The following PACRG variants were observed in gnomAD, a reference collection of about 807,000 sequenced individuals.
PACRG encodes the protein parkin coregulated.
In PACRG, 29 loss-of-function variants were observed where a neutral mutation model predicts 29.7. The observed-to-expected ratio is 0.98, with a 90% confidence interval of 0.73 to 1.33. The LOEUF (loss-of-function observed/expected upper bound fraction) is 1.33, where lower values mean the gene tolerates loss of function less well. Among genes scored for constraint, PACRG ranks in the 40% most tolerant of loss-of-function variants. PACRG has a pLI of 0.00. For missense variants in PACRG, 279 were observed against 316.2 expected (o/e 0.88, Z 0.89); for synonymous variants, 116 against 118.7 (o/e 0.98, Z 0.15).
chr6:162,975,190 G>C (rs753035153), intron 2 of PACRG, among the ~76,000 whole-genome samples: 38 of 152,152 alleles, frequency 2.5e-4, no homozygotes, highest in Non-Finnish European at 4.6e-4. Context: ...AAATACATAA[G>C]CCAATAGATG....
At position 162,783,197 on chromosome 6, in the gene PACRG, G is replaced by A. The variant is rs964367094; in HGVS notation, c.157-30950G>A. Among the ~76,000 whole-genome samples, 4 of 151,868 alleles carry A rather than the reference G, an allele frequency of 2.6e-5. No homozygotes were observed. The East Asian group carries it at 5.8e-4, about 22-fold the overall frequency. ...ATGTGTATTTTGCTTAGAAACTATA[G>A]GTAAATAGATATTTGCATATTTTTA... On this transcript the variant is annotated intron_variant, in intron 1 of 4. Coordinates refer to ENST00000366888, the MANE Select transcript of PACRG (RefSeq NM_001080379.2).
At chr6:162,872,755 G>T (rs1487002053) in intron 2 of PACRG, among the ~76,000 whole-genome samples, 1 of 152,062 alleles carries the variant, frequency 6.6e-6, no homozygotes. Flanking sequence ...AACTACCTTG[G>T]TTCCCACCAT....
chr6:162,776,593 A>G (rs1446187345), intron 1 of PACRG, among the ~76,000 whole-genome samples: 1 of 152,178 alleles, frequency 6.6e-6, no homozygotes, highest in African/African-American at 2.4e-5. Flanking sequence ...GGGCCTCAAC[A>G]TCAGAATTGA....
intron 1 of PACRG, among the ~76,000 whole-genome samples, chr6:162,766,988 C>T (rs1202954448): frequency 2.6e-5 from 4 of 151,842 alleles, no homozygotes; most frequent in African/African-American, 9.7e-5. Context: ...TATTTTGAAG[C>T]ATTTAATAAT....
At chr6:163,083,858 TACC>T (rs1420438982) in intron 3 of PACRG, among the ~76,000 whole-genome samples, 4 of 152,138 alleles carry the variant, frequency 2.6e-5, no homozygotes, top group Non-Finnish European at 5.9e-5. Context: ...TTTTTCCTGA[TACC>T]ACAATAGTGA....
At chr6:162,858,737 G>A (rs1049870538) in intron 2 of PACRG, among the ~76,000 whole-genome samples, 1 of 152,166 alleles carries the variant, frequency 6.6e-6, no homozygotes, top group African/African-American at 2.4e-5. Flanking sequence ...AACTCAGGGA[G>A]ACCTGATTGC....
chr6:162,827,462 C>T (rs552121556), intron 2 of PACRG, among the ~76,000 whole-genome samples: 4 of 152,164 alleles, frequency 2.6e-5, no homozygotes, highest in Admixed American at 6.5e-5. Flanking sequence ...TGCAATATTA[C>T]CAGTAATATT....
At chr6:162,900,034 G>C (rs371024169) in intron 2 of PACRG, among the ~76,000 whole-genome samples, 1 of 152,082 alleles carries the variant, frequency 6.6e-6, no homozygotes, top group Non-Finnish European at 1.5e-5. Context: ...GGGGAAGGGC[G>C]GGGGAGAGAG....
chr6:162,967,261 C>A (rs201325522), intron 2 of PACRG, among the ~76,000 whole-genome samples: 1 of 142,616 alleles, frequency 7.0e-6, no homozygotes, highest in Non-Finnish European at 1.6e-5. Flanking sequence ...AAAAAAAAAA[C>A]CTTTCAGGTA....
chr6:162,841,581 G>A (rs1458985889), intron 2 of PACRG, among the ~76,000 whole-genome samples: 6 of 151,142 alleles, frequency 4.0e-5, no homozygotes, highest in Non-Finnish European at 5.9e-5. Context: ...AAGGGTTTTT[G>A]TGTCTCTATT....
chr6:162,742,698 T>C (rs1201324040), intron 1 of PACRG, among the ~76,000 whole-genome samples: 1 of 152,154 alleles, frequency 6.6e-6, no homozygotes, highest in Non-Finnish European at 1.5e-5. Context: ...TAGTATTCCA[T>C]TGTCTATATA....
At chr6:163,030,384 C>T (rs981289569) in intron 2 of PACRG, among the ~76,000 whole-genome samples, 1 of 152,138 alleles carries the variant, frequency 6.6e-6, no homozygotes, top group African/African-American at 2.4e-5. Flanking sequence ...AAGTTTCTTC[C>T]AGCTTATGAG....
rs115470906 is a variant in PACRG at position 163,238,235 on chromosome 6, A to C, written c.614-76592A>C. ...AATGTTTTGTATTATATCTTAAATA[A>C]AATTTATTAGCTGAATAAATATTTA... On this transcript the variant is annotated intron_variant, in intron 4 of 4. Transcript: ENST00000366888. Among the ~76,000 whole-genome samples the C allele has an allele frequency of 5.4e-3, 817 of 152,364 alleles. 5 individuals are homozygous for C. The highest frequency in any genetic ancestry group is 0.019 in the African/African-American group (796 of 41,590).
At position 162,861,843 on chromosome 6, in the gene PACRG, T is replaced by C. The variant is rs556647954; in HGVS notation, c.291+47562T>C. On this transcript the variant is annotated intron_variant, in intron 2 of 4. Coordinates refer to ENST00000366888, the MANE Select transcript of PACRG (RefSeq NM_001080379.2). ...AAGCTCTCTAAATTTCCTCTTCCAT[T>C]GGTGTTCATAGTTTATGACCTGTCC... Among the ~76,000 whole-genome samples the C allele has an allele frequency of 2.0e-5, 3 of 152,332 alleles. No individual in the cohort carries two copies. The South Asian group carries it at 6.2e-4, about 32-fold the overall frequency.
At chr6:162,979,300 T>C (rs1584925368) in intron 2 of PACRG, among the ~76,000 whole-genome samples, 1 of 152,178 alleles carries the variant, frequency 6.6e-6, no homozygotes, top group South Asian at 2.1e-4. Context: ...GATTTTGTCA[T>C]CTACCTGATG....
At chr6:162,830,808 A>G (rs1788701893) in intron 2 of PACRG, among the ~76,000 whole-genome samples, 1 of 152,174 alleles carries the variant, frequency 6.6e-6, no homozygotes, top group Non-Finnish European at 1.5e-5. Flanking sequence ...GAAGTTGGGG[A>G]GAGAGGACTG....
chr6:162,945,540 A>G (rs1798941923), intron 2 of PACRG, among the ~76,000 whole-genome samples: 1 of 152,156 alleles, frequency 6.6e-6, no homozygotes, highest in African/African-American at 2.4e-5. Flanking sequence ...AGAGTCCAGT[A>G]CAATAATAGT....
At chr6:162,747,367 C>CT (rs1781108587) in intron 1 of PACRG, among the ~76,000 whole-genome samples, 3 of 47,860 alleles carry the variant, frequency 6.3e-5, no homozygotes, top group East Asian at 6.7e-4. Flanking sequence ...TATATATACA[C>CT]ATACATATAT....
At chr6:163,298,376 AAC>A (rs1784864380) in intron 4 of PACRG, among the ~76,000 whole-genome samples, 1 of 152,202 alleles carries the variant, frequency 6.6e-6, no homozygotes, top group African/African-American at 2.4e-5. Context: ...TGGATTGGCA[AAC>A]ACAATTTTAC....
Sources: gnomAD v4.1 joint callset for allele counts (sites outside exome capture counted in the v4.1 genomes callset) on GRCh38, gnomAD v4.1.1 for gene constraint, MANE v1.5 for transcripts, NCBI Gene and HGNC (gene_info 2026-07-23, HGNC 2026-07-21) for gene names.